Variants in PSD2 observed in about 807,000 individuals in gnomAD.
PSD2 encodes pleckstrin and Sec7 domain containing 2.
A neutral mutation model predicts 69.8 loss-of-function variants in PSD2; 38 were observed. The ratio of observed to expected loss-of-function variants is 0.54; its 90% confidence interval spans 0.42 to 0.71. PSD2 has a LOEUF of 0.71. Among genes scored for constraint, PSD2 ranks in the 30% least tolerant of loss-of-function variants. The probability of loss-of-function intolerance (pLI) is 0.00; values close to 1 mark genes in which losing one functional copy is unlikely to be tolerated. For missense variants in PSD2, 943 were observed against 1,014.5 expected, an observed-to-expected ratio of 0.93 and a Z score of 0.96; for synonymous variants, 412 against 423.0, an observed-to-expected ratio of 0.97 and a Z score of 0.32.
chr5:139,783,543 C>T, the PSD2 span, among the ~76,000 whole-genome samples: 2 of 152,332 alleles, frequency 1.3e-5, no homozygotes, highest in South Asian at 4.1e-4. Flanking sequence ...ATCCATTCAC[C>T]TGTCGATGGA....
chr5:139,817,744 T>C (rs1436396914), intron 5 of PSD2, among the ~76,000 whole-genome samples, 183 bp downstream of exon 5: 1 of 152,110 alleles, frequency 6.6e-6, no homozygotes, highest in Non-Finnish European at 1.5e-5. Flanking sequence ...GCCCACTTTG[T>C]AGTAGCTGTT....
Position 139,837,337 on chromosome 5 carries a change from C to A in PSD2, c.1665+99C>A. On this transcript the variant is annotated intron_variant, in intron 11 of 14. Transcript: ENST00000274710. This position sits in a 1 kb window ranked among gnomAD's most constrained non-coding sequence, Gnocchi z 5.0. ...CCGAAGCCCCAGGCAGGACCTGGGGCTCAGGCACATGCTGGGTCCTTCCCC... is the reference window on the plus strand; with the variant it reads ...CCGAAGCCCCAGGCAGGACCTGGGGATCAGGCACATGCTGGGTCCTTCCCC... 8.4e-7 allele frequency: 1 copy of A among 1,193,230 alleles called. No homozygotes were observed. The highest frequency in any genetic ancestry group is 1.2e-6 in the Non-Finnish European group (1 of 821,028). 73.9% of individuals were successfully genotyped at this position (1,193,230 alleles called of 1,614,324 possible).
At chr5:139,792,918 C>CT (rs1396972931), upstream of PSD2, among the ~76,000 whole-genome samples, 1 of 129,864 alleles carries the variant, frequency 7.7e-6, no homozygotes, top group East Asian at 2.3e-4. Context: ...TTCTTTCTTT[C>CT]TTTTTTCTTT....
chr5:139,797,338 G>T (rs982509283), intron 1 of PSD2, among the ~76,000 whole-genome samples: 1 of 152,224 alleles, frequency 6.6e-6, no homozygotes, highest in Non-Finnish European at 1.5e-5. Context: ...AGATTCCCAC[G>T]CAGTGGGGTG....
At chr5:139,746,688 AGGCTGCTAGACAGGCT>A in the PSD2 span, among the ~76,000 whole-genome samples, 1 of 152,266 alleles carries the variant, frequency 6.6e-6, no homozygotes, top group African/African-American at 2.4e-5. This position sits in a 1 kb window ranked among gnomAD's most constrained non-coding sequence, Gnocchi z 4.5. Context: ...TGCGCGAGGG[AGGCTGCTAGACAGGCT>A]GGCTTTGCGG....
intron 8 of PSD2, 52 bp downstream of exon 8, chr5:139,833,843 A>C (rs1245945802): frequency 7.6e-7 from 1 of 1,321,420 alleles, no homozygotes; most frequent in Non-Finnish European, 1.1e-6. Flanking sequence ...GAATGGATAG[A>C]GAGGAGAGAG....
Position 139,814,467 on chromosome 5 carries a change from G to A in PSD2, c.1016+103G>A, listed in dbSNP as rs1234220279. 3 of 1,077,076 alleles carry A rather than the reference G, an allele frequency of 2.8e-6. No individual in the cohort carries two copies. Among genetic ancestry groups the A allele is most frequent in the Admixed American group, 3.2e-5 (1 of 31,356 alleles). The allele number at this position is 1,077,076 out of a possible 1,614,324, so 66.7% of individuals were successfully genotyped here. A position where few individuals can be genotyped will look rare whatever the true frequency, so the allele number is the denominator to read the frequency against. ...TCTTCAGGGGTGCCAGGTGCTGGGGGGGCACTCCCAACAGTTCCCCAAGGA... is the reference window on the plus strand; with the variant it reads ...TCTTCAGGGGTGCCAGGTGCTGGGGAGGCACTCCCAACAGTTCCCCAAGGA... On this transcript the variant is annotated intron_variant, in intron 4 of 14. Coordinates refer to ENST00000274710, the MANE Select transcript of PSD2 (RefSeq NM_032289.4). The surrounding 1 kb of genome is among the most constrained non-coding windows in gnomAD (Gnocchi z 4.4).
At chr5:139,766,903 C>T in the PSD2 span, among the ~76,000 whole-genome samples, 1 of 62,800 alleles carries the variant, frequency 1.6e-5, no homozygotes, top group Non-Finnish European at 3.6e-5. Flanking sequence ...TTCCCTCTTT[C>T]CCTCCCTTCC....
chr5:139,807,158 G>A (rs1759829223), intron 1 of PSD2, among the ~76,000 whole-genome samples: 1 of 152,240 alleles, frequency 6.6e-6, no homozygotes, highest in South Asian at 2.1e-4. Flanking sequence ...GGCTTAGGCA[G>A]AGCCCTGACT....
chr5:139,836,123 T>A (rs1261521307), intron 9 of PSD2, among the ~76,000 whole-genome samples: 1 of 152,170 alleles, frequency 6.6e-6, no homozygotes, highest in Non-Finnish European at 1.5e-5. Flanking sequence ...CTCTATAACC[T>A]GGAGAATATG....
intron 12 of PSD2, 25 bp from the exon 13 acceptor site, chr5:139,838,603 C>T: frequency 6.2e-7 from 1 of 1,603,982 alleles, no homozygotes; most frequent in Non-Finnish European, 8.5e-7. Context: ...GAGAGGCCGG[C>T]ACCCTCTCCC....
At chr5:139,802,784 G>A (rs1941770187) in intron 1 of PSD2, among the ~76,000 whole-genome samples, 2 of 152,194 alleles carry the variant, frequency 1.3e-5, no homozygotes, top group Non-Finnish European at 2.9e-5. Flanking sequence ...AAGCAAATGA[G>A]GGTGCCAATT....
At chr5:139,759,634 C>G in the PSD2 span, among the ~76,000 whole-genome samples, 1 of 152,222 alleles carries the variant, frequency 6.6e-6, no homozygotes, top group Non-Finnish European at 1.5e-5. Flanking sequence ...AATCACGGGC[C>G]GTGGCGGGCG....
At chr5:139,782,018 G>A in the PSD2 span, among the ~76,000 whole-genome samples, 640 of 152,296 alleles carry the variant, frequency 4.2e-3, 2 homozygotes, top group African/African-American at 0.015. Context: ...CCAGGGGCCC[G>A]AGAAAACAAA....
In PSD2 at chr5:139,837,735, G is replaced by T; in HGVS notation, c.1776G>T (p.Val592=). Residue 592 remains valine, a synonymous_variant, in exon 12 of 15, where the codon GTG becomes GTT. Transcript: ENST00000274710. This position sits in a 1 kb window ranked among gnomAD's most constrained non-coding sequence, Gnocchi z 5.0. Reference sequence around the variant, plus strand: ...CTGACTACAGCAAGAAGTCCAACGTGCTGAAGCTTAAGACAGCCGACTGGA... The same window carrying T: ...CTGACTACAGCAAGAAGTCCAACGTTCTGAAGCTTAAGACAGCCGACTGGA... ...RASDYSKKSN[V]LKLKTADWRV... 1 of 1,613,924 alleles carries T rather than the reference G, an allele frequency of 6.2e-7. No homozygotes were observed. The highest frequency in any genetic ancestry group is 1.1e-5 in the South Asian group (1 of 91,082).
In PSD2 at chr5:139,839,963, G is replaced by T. The variant is rs1044107084; in HGVS notation, c.1969-64G>T. Reference sequence around the variant, plus strand: ...TGGTGGAGCAGCTCCTGGTAGAACAGGATTTGAGCCACTCCGTGACATCCT... The same window carrying T: ...TGGTGGAGCAGCTCCTGGTAGAACATGATTTGAGCCACTCCGTGACATCCT... On this transcript the variant is annotated intron_variant, in intron 13 of 14. Transcript: ENST00000274710. The surrounding 1 kb of genome is among the most constrained non-coding windows in gnomAD (Gnocchi z 5.1). 1.3e-6 allele frequency: 2 copies of T among 1,584,766 alleles called. No homozygotes were observed. The highest frequency in any genetic ancestry group is 1.7e-6 in the Non-Finnish European group (2 of 1,157,876).
Position 139,813,724 on chromosome 5 carries a change from G to C in PSD2, c.787G>C (p.Glu263Gln). Reference sequence around the variant, plus strand: ...CCCAGGGGGGGATGAGGATGATGATGAGGAGGACACGGACAAGTTGCTGAA... The same window carrying C: ...CCCAGGGGGGGATGAGGATGATGATCAGGAGGACACGGACAAGTTGCTGAA... Reference protein sequence around the residue: ...QGPGGDEDDDEEDTDKLLNSA... With the variant: ...QGPGGDEDDDQEDTDKLLNSA... Residue 263 changes from glutamate to glutamine, a missense_variant, in exon 3 of 15, where the codon GAG becomes CAG. Coordinates refer to ENST00000274710, the MANE Select transcript of PSD2 (RefSeq NM_032289.4). 2 of 1,612,188 alleles carry C rather than the reference G, an allele frequency of 1.2e-6. No individual in the cohort carries two copies. The highest frequency in any genetic ancestry group is 1.7e-6 in the Non-Finnish European group (2 of 1,179,024).
upstream of PSD2, among the ~76,000 whole-genome samples, chr5:139,792,758 T>A (rs1208018293): frequency 2.0e-5 from 3 of 151,820 alleles, no homozygotes; most frequent in African/African-American, 7.3e-5. Context: ...TCTTTCTTTC[T>A]CTTTCTCCCT....
chr5:139,785,552 C>G, the PSD2 span, among the ~76,000 whole-genome samples: 2 of 152,152 alleles, frequency 1.3e-5, no homozygotes, highest in Admixed American at 1.3e-4. Flanking sequence ...GCCTGTTTTC[C>G]CTGTGATGCT....
Sources: gnomAD v4.1 joint callset for allele counts (sites outside exome capture counted in the v4.1 genomes callset) on GRCh38, gnomAD v4.1.1 for gene constraint, Gnocchi (gnomAD v3.1) non-coding constraint, MANE v1.5 for transcripts, NCBI Gene and HGNC (gene_info 2026-07-23, HGNC 2026-07-21) for gene names.